The following DNAJB11 variants were observed in gnomAD, a reference collection of about 807,000 sequenced individuals.
DNAJB11 encodes dnaJ homolog subfamily B member 11.
A neutral mutation model predicts 47.2 loss-of-function variants in DNAJB11; 30 were observed. The observed-to-expected ratio is 0.64, with a 90% CI of 0.48 to 0.86. The LOEUF (loss-of-function observed/expected upper bound fraction) is 0.86, where lower values mean the gene tolerates loss of function less well. DNAJB11 is among the 40% of genes least tolerant of loss of function. The probability of loss-of-function intolerance (pLI) is 0.00; values close to 1 mark genes in which losing one functional copy is unlikely to be tolerated. For synonymous variants in DNAJB11, 151 were observed against 159.9 expected (o/e 0.94, Z 0.42); for missense variants, 357 against 440.2 (o/e 0.81, Z 1.69).
Position 186,570,791 on chromosome 3 carries a change from C to A in DNAJB11, c.-107C>A. ...CTGCGGACCAAGGAGACCCCCGCGC[C>A]CCCCCGGTGTGAGGCGGCCTCACAG... On this transcript the variant is annotated 5_prime_UTR_variant, in exon 1 of 10. Coordinates refer to ENST00000265028, the MANE Select transcript of DNAJB11 (RefSeq NM_016306.6). The A allele has an allele frequency of 2.0e-6, 2 of 1,022,984 alleles. No individual in the cohort carries two copies. Among genetic ancestry groups the A allele is most frequent in the Non-Finnish European group, 2.9e-6 (2 of 686,496 alleles). The allele number at this position is 1,022,984 out of a possible 1,614,324, so 63.4% of individuals were successfully genotyped here. A position where few individuals can be genotyped will look rare whatever the true frequency, so the allele number is the denominator to read the frequency against.
intron 1 of DNAJB11, 139 bp downstream of exon 1, chr3:186,571,104 A>G: frequency 1.3e-6 from 1 of 771,786 alleles, no homozygotes; most frequent in Non-Finnish European, 2.1e-6. Context: ...TGGCGGAGGA[A>G]GGGGTAGTAT....
At chr3:186,583,139 TAA>T (rs1193389928) in intron 7 of DNAJB11, among the ~76,000 whole-genome samples, 1 of 152,252 alleles carries the variant, frequency 6.6e-6, no homozygotes, top group Non-Finnish European at 1.5e-5. Context: ...GCAGCTTCTG[TAA>T]AGAGAGCTTT....
At chr3:186,581,741 A>G (rs556755513) in intron 5 of DNAJB11, among the ~76,000 whole-genome samples, 4 of 152,198 alleles carry the variant, frequency 2.6e-5, no homozygotes, top group East Asian at 3.9e-4. Context: ...TACATTTTCA[A>G]CAAGTATTAA....
rs1475437593 is a variant in DNAJB11 at position 186,577,742 on chromosome 3, A to T, written c.398A>T (p.Asp133Val). 1 of 1,609,416 alleles carries T rather than the reference A, an allele frequency of 6.2e-7. No homozygotes were observed. The highest frequency in any genetic ancestry group is 8.5e-7 in the Non-Finnish European group (1 of 1,178,134). Residue 133 changes from aspartate (D) to valine (V), a missense_variant, in exon 4 of 10, where the codon GAT becomes GTT. Coordinates refer to ENST00000265028, the MANE Select transcript of DNAJB11 (RefSeq NM_016306.6). ...QQDRNIPRGS[D>V]IIVDLEVTLE... Reference sequence around the variant, plus strand: ...GACAGAAATATTCCAAGAGGAAGTGATATTATTGTAGATCTAGAAGTCACT... The same window carrying T: ...GACAGAAATATTCCAAGAGGAAGTGTTATTATTGTAGATCTAGAAGTCACT...
Position 186,575,857 on chromosome 3 carries a change from G to A in DNAJB11, c.243G>A (p.Glu81=), listed in dbSNP as rs1210984423. The A allele has an allele frequency of 6.2e-7, 1 of 1,613,550 alleles. No individual in the cohort carries two copies. The highest frequency in any genetic ancestry group is 1.3e-5 in the African/African-American group (1 of 74,898). ...ATCCCCAGGTTCTGTCAGATAGTGA[G>A]AAACGGAAACAGTACGATACTTATG... ...GAAYEVLSDS[E]KRKQYDTYGE... The change falls in exon 3 of 10, where the codon GAG becomes GAA. Residue 81 remains glutamate, a synonymous_variant. Coordinates refer to ENST00000265028, the MANE Select transcript of DNAJB11 (RefSeq NM_016306.6).
intron 4 of DNAJB11, chr3:186,581,113 G>A (rs1715467161): frequency 5.5e-6 from 2 of 362,896 alleles, no homozygotes; most frequent in African/African-American, 2.1e-5. Context: ...TTTATTTTTC[G>A]GTTCTCTTGT....
At chr3:186,580,389 G>A (rs192353112) in intron 4 of DNAJB11, 11 of 152,292 alleles carry the variant, frequency 7.2e-5, no homozygotes, top group Admixed American at 4.6e-4. Context: ...GGACTTTGCA[G>A]CTAGACTGCC....
At chr3:186,581,853 T>C (rs1715496551) in intron 5 of DNAJB11, 142 bp from the exon 6 acceptor site, 1 of 683,656 alleles carries the variant, frequency 1.5e-6, no homozygotes, top group African/African-American at 1.8e-5. Context: ...ATGTAAATGA[T>C]TATCAGATAG....
At position 186,570,818 on chromosome 3, in the gene DNAJB11, G is replaced by T; in HGVS notation, c.-80G>T. 1 of 1,410,794 alleles carries T rather than the reference G, an allele frequency of 7.1e-7. No homozygotes were observed. The highest frequency in any genetic ancestry group is 9.8e-7 in the Non-Finnish European group (1 of 1,023,318). The allele number at this position is 1,410,794 out of a possible 1,614,324, so 87.4% of individuals were successfully genotyped here. On this transcript the variant is annotated 5_prime_UTR_variant, in exon 1 of 10. Coordinates refer to ENST00000265028, the MANE Select transcript of DNAJB11 (RefSeq NM_016306.6). ...CCCCGGTGTGAGGCGGCCTCACAGG[G>T]CCGGGTGGGCTGGCGAGCCGACGCG...
chr3:186,584,899 G>A (rs1485036623), intron 9 of DNAJB11, among the ~76,000 whole-genome samples: 1 of 152,168 alleles, frequency 6.6e-6, no homozygotes, highest in African/African-American at 2.4e-5. Flanking sequence ...GGAAGATGAG[G>A]TAGACTGTAG....
intron 2 of DNAJB11, among the ~76,000 whole-genome samples, chr3:186,572,923 G>A (rs1715134909): frequency 6.6e-6 from 1 of 152,102 alleles, no homozygotes; most frequent in Non-Finnish European, 1.5e-5. Context: ...TTTTATATGA[G>A]TTCTGCTTGT....
chr3:186,570,813 A>T lies in DNAJB11; in HGVS notation c.-85A>T. 1 of 1,368,542 alleles carries T rather than the reference A, an allele frequency of 7.3e-7. No individual in the cohort carries two copies. The highest frequency in any genetic ancestry group is 1.0e-6 in the Non-Finnish European group (1 of 987,616). The allele number at this position is 1,368,542 out of a possible 1,614,324, so 84.8% of individuals were successfully genotyped here. On this transcript the variant is annotated 5_prime_UTR_variant, in exon 1 of 10. Transcript: ENST00000265028. The stretch of plus-strand genomic sequence containing the variant: ...CGCCCCCCCGGTGTGAGGCGGCCTC[A>T]CAGGGCCGGGTGGGCTGGCGAGCCG...
intron 4 of DNAJB11, chr3:186,580,506 G>A (rs1474592830): frequency 6.6e-6 from 1 of 152,192 alleles, no homozygotes; most frequent in Admixed American, 6.5e-5. Flanking sequence ...GATAATAACA[G>A]TACCTGTCTC....
chr3:186,571,684 T>G (rs1338475335), intron 1 of DNAJB11, among the ~76,000 whole-genome samples: 1 of 152,214 alleles, frequency 6.6e-6, no homozygotes, highest in Non-Finnish European at 1.5e-5. Context: ...CCTTTGAGAG[T>G]GTTATTTGAC....
At chr3:186,573,847 C>T (rs1375985508) in intron 2 of DNAJB11, among the ~76,000 whole-genome samples, 1 of 152,162 alleles carries the variant, frequency 6.6e-6, no homozygotes, top group Non-Finnish European at 1.5e-5. Context: ...GAACCTAATA[C>T]TCAAAAACAT....
intron 2 of DNAJB11, among the ~76,000 whole-genome samples, chr3:186,573,869 G>A (rs1195443501): frequency 6.6e-6 from 1 of 152,360 alleles, no homozygotes; most frequent in Non-Finnish European, 1.5e-5. Flanking sequence ...TTCTAGGGAA[G>A]CTGAATTTAC....
chr3:186,583,111 G>C (rs138528245), intron 7 of DNAJB11, among the ~76,000 whole-genome samples: 59 of 152,350 alleles, frequency 3.9e-4, no homozygotes, highest in African/African-American at 1.4e-3. Context: ...TCCATAGACA[G>C]AACCTTCTAC....
intron 3 of DNAJB11, among the ~76,000 whole-genome samples, chr3:186,576,776 A>G (rs1372331001): frequency 1.3e-5 from 2 of 152,070 alleles, no homozygotes; most frequent in Non-Finnish European, 2.9e-5. Flanking sequence ...CCCCGCCAGG[A>G]TCAATTTGGC....
intron 2 of DNAJB11, among the ~76,000 whole-genome samples, chr3:186,572,703 G>A (rs1045598806): frequency 1.3e-5 from 2 of 152,220 alleles, no homozygotes; most frequent in African/African-American, 4.8e-5. Flanking sequence ...ATAACATGCA[G>A]GGCAGGTATA....
Sources: allele counts gnomAD v4.1 joint callset (sites outside exome capture counted in the v4.1 genomes callset), GRCh38; gene constraint gnomAD v4.1.1; transcripts MANE v1.5; gene names NCBI Gene and HGNC (gene_info 2026-07-23, HGNC 2026-07-21).